The following NKAIN2 variants were observed in gnomAD, a reference collection of about 807,000 sequenced individuals.
The protein encoded by NKAIN2 is sodium/potassium-transporting ATPase subunit beta-1-interacting protein 2.
In NKAIN2, 14 loss-of-function variants were observed where a neutral mutation model predicts 32.6. The observed-to-expected ratio is 0.43, with a 90% CI of 0.28 to 0.67. The LOEUF (loss-of-function observed/expected upper bound fraction) is 0.67, where lower values mean the gene tolerates loss of function less well. Among genes scored for constraint, NKAIN2 ranks in the 30% least tolerant of loss-of-function variants. The pLI is 0.17. For missense variants in NKAIN2, 198 were observed against 258.3 expected (o/e 0.77, Z 1.60); for synonymous variants, 80 against 87.2 (o/e 0.92, Z 0.46).
intron 1 of NKAIN2, among the ~76,000 whole-genome samples, chr6:124,242,843 A>G (rs568763593): frequency 9.8e-4 from 146 of 149,448 alleles, no homozygotes; most frequent in African/African-American, 3.3e-3. Context: ...AACAATGAGA[A>G]CGCATGGACA....
At chr6:124,063,617 G>A (rs1030375010) in intron 1 of NKAIN2, among the ~76,000 whole-genome samples, 1 of 152,070 alleles carries the variant, frequency 6.6e-6, no homozygotes, top group African/African-American at 2.4e-5. Context: ...ATGAATGATA[G>A]CTTTTAATAC....
At chr6:123,989,880 T>A (rs757209677) in intron 1 of NKAIN2, among the ~76,000 whole-genome samples, 8 of 152,096 alleles carry the variant, frequency 5.3e-5, no homozygotes, top group Non-Finnish European at 1.0e-4. Context: ...TTTCCAGCAA[T>A]AAATAAGATC....
chr6:123,911,133 C>G (rs1225274890), intron 1 of NKAIN2, among the ~76,000 whole-genome samples: 1 of 152,078 alleles, frequency 6.6e-6, no homozygotes, highest in African/African-American at 2.4e-5. Context: ...CCTCTAACTA[C>G]AAGGAATATG....
chr6:124,570,899 A>G (rs1489812405), intron 3 of NKAIN2, among the ~76,000 whole-genome samples: 1 of 152,182 alleles, frequency 6.6e-6, no homozygotes, highest in Non-Finnish European at 1.5e-5. Context: ...ACTCAACACC[A>G]GCCTGTGAAA....
chr6:124,068,082 A>G (rs1418281944), intron 1 of NKAIN2, among the ~76,000 whole-genome samples: 2 of 152,150 alleles, frequency 1.3e-5, no homozygotes, highest in Non-Finnish European at 2.9e-5. Flanking sequence ...AGTTTTAATA[A>G]CTTAAGTTTA....
chr6:124,586,336 T>G (rs1336079208), intron 3 of NKAIN2, among the ~76,000 whole-genome samples: 1 of 152,184 alleles, frequency 6.6e-6, no homozygotes, highest in Admixed American at 6.5e-5. Flanking sequence ...AACATGTTTG[T>G]TGTAGGAACA....
intron 4 of NKAIN2, among the ~76,000 whole-genome samples, chr6:124,700,790 G>C (rs1472250464): frequency 6.6e-6 from 1 of 151,570 alleles, no homozygotes; most frequent in Non-Finnish European, 1.5e-5. Context: ...TCCAACCTCA[G>C]ATAACAGATT....
chr6:124,155,102 G>T (rs802258), intron 1 of NKAIN2, among the ~76,000 whole-genome samples: 120,780 of 152,048 alleles, frequency 0.79, 49,259 homozygotes, highest in South Asian at 0.89. Context: ...CACTAGGATG[G>T]GCGATATTTT....
At chr6:124,581,205 C>T (rs614228) in intron 3 of NKAIN2, among the ~76,000 whole-genome samples, 24,726 of 151,608 alleles carry the variant, frequency 0.16, 2,111 homozygotes, top group Middle Eastern at 0.22. Flanking sequence ...TTTGGGAGGC[C>T]GAGGCGGGTG....
rs570410723 is a variant in NKAIN2, at chr6:124,284,766, T to C, written c.192+1624T>C. The stretch of plus-strand genomic sequence containing the variant: ...CCAATAAATATTAGCTATAATATTT[T>C]TGTTTTTAATTATTATTATTTAAAA... On this transcript the variant is annotated intron_variant, in intron 2 of 6. Transcript: ENST00000368417. Among the ~76,000 whole-genome samples the C allele has an allele frequency of 2.1e-3, 325 of 152,112 alleles. 1 individual carries two copies. Among genetic ancestry groups the C allele is most frequent in the African/African-American group, 7.4e-3 (307 of 41,554 alleles).
intron 3 of NKAIN2, among the ~76,000 whole-genome samples, chr6:124,554,603 T>C (rs910137491): frequency 6.6e-6 from 1 of 152,208 alleles, no homozygotes; most frequent in African/African-American, 2.4e-5. Context: ...GAGATGAACA[T>C]TTATTATTTT....
chr6:124,811,826 A>G (rs1780914245), intron 5 of NKAIN2, among the ~76,000 whole-genome samples: 1 of 152,196 alleles, frequency 6.6e-6, no homozygotes, highest in Non-Finnish European at 1.5e-5. Flanking sequence ...AATTGCACAC[A>G]TTAAATATGT....
chr6:123,938,303 G>C (rs1172566491), intron 1 of NKAIN2, among the ~76,000 whole-genome samples: 1 of 148,988 alleles, frequency 6.7e-6, no homozygotes, highest in Non-Finnish European at 1.5e-5. Context: ...AACACTTCAT[G>C]TTTCACTGTG....
intron 1 of NKAIN2, among the ~76,000 whole-genome samples, chr6:124,050,196 G>T (rs1423424095): frequency 2.0e-5 from 3 of 151,894 alleles, no homozygotes; most frequent in Non-Finnish European, 4.4e-5. Flanking sequence ...TGTTTACCTT[G>T]ACCCCATGAA....
intron 5 of NKAIN2, among the ~76,000 whole-genome samples, chr6:124,792,794 C>T (rs1779805002): frequency 6.6e-6 from 1 of 151,884 alleles, no homozygotes; most frequent in East Asian, 1.9e-4. Flanking sequence ...GAATTTGTTT[C>T]CTGTGCTACA....
chr6:124,353,853 C>G (rs1798845794), intron 2 of NKAIN2, among the ~76,000 whole-genome samples: 2 of 152,070 alleles, frequency 1.3e-5, no homozygotes, highest in African/African-American at 4.8e-5. Flanking sequence ...CAGAGATCAA[C>G]TGAAACACAT....
intron 2 of NKAIN2, among the ~76,000 whole-genome samples, chr6:124,283,758 T>G (rs1795417587): frequency 6.6e-6 from 1 of 152,214 alleles, no homozygotes. Flanking sequence ...TTGCTTTTTT[T>G]TAAACTTTTG....
intron 1 of NKAIN2, among the ~76,000 whole-genome samples, chr6:123,944,191 C>T (rs1179516317): frequency 6.6e-6 from 1 of 152,016 alleles, no homozygotes; most frequent in African/African-American, 2.4e-5. Flanking sequence ...GTTTCTGATG[C>T]AAGCAGCAAA....
chr6:124,203,188 T>C (rs1452025161), intron 1 of NKAIN2, among the ~76,000 whole-genome samples: 5 of 151,854 alleles, frequency 3.3e-5, no homozygotes, highest in Non-Finnish European at 7.4e-5. Context: ...TTTAAAATAG[T>C]TTGTTGAGGG....
Sources: allele counts gnomAD v4.1 joint callset (sites outside exome capture counted in the v4.1 genomes callset), GRCh38; gene constraint gnomAD v4.1.1; transcripts MANE v1.5; gene names NCBI Gene and HGNC (gene_info 2026-07-23, HGNC 2026-07-21).